The following MAP3K15 variants were observed in gnomAD, a reference collection of about 807,000 sequenced individuals.
MAP3K15 encodes mitogen-activated protein kinase kinase kinase 15.
Under a neutral mutation model 99.5 loss-of-function variants are expected in MAP3K15, and 124 were observed. The ratio of observed to expected loss-of-function variants is 1.25; its 90% confidence interval spans 1.08 to 1.45. The LOEUF is 1.45. Ranked by LOEUF, MAP3K15 falls within the 40% of genes most tolerant of loss-of-function variation. MAP3K15 has a pLI of 0.00. For missense variants in MAP3K15, 1,242 were observed against 1,079.7 expected, an observed-to-expected ratio of 1.15 and a Z score of -2.11; for synonymous variants, 494 against 439.6, an observed-to-expected ratio of 1.12 and a Z score of -1.55.
At chrX:19,362,657 A>G in intron 26 of MAP3K15, 81 bp downstream of exon 26, 2 of 598,554 alleles carry the variant, frequency 3.3e-6, no homozygotes, top group Non-Finnish European at 5.5e-6. Flanking sequence ...GGATTAACAG[A>G]AGATAACCTC....
intron 18 of MAP3K15, among the ~76,000 whole-genome samples, chrX:19,383,691 T>C (rs921386460): frequency 8.9e-6 from 1 of 112,365 alleles, no homozygotes; most frequent in Non-Finnish European, 1.9e-5. Context: ...TAGACATTTC[T>C]CAAAAGAAGA....
At chrX:19,365,754 C>T in intron 25 of MAP3K15, among the ~76,000 whole-genome samples, 1 of 111,427 alleles carries the variant, frequency 9.0e-6, no homozygotes, top group African/African-American at 3.3e-5. Context: ...CACCTGTCAT[C>T]CCAGAACTTT....
intron 3 of MAP3K15, among the ~76,000 whole-genome samples, chrX:19,480,739 T>C (rs191806639): frequency 1.4e-3 from 145 of 104,366 alleles, no homozygotes; most frequent in African/African-American, 4.4e-3. Context: ...GGCAGGAGAA[T>C]TGCTTGAACC....
chrX:19,361,361 C>T lies in MAP3K15; in HGVS notation c.3835G>A (p.Asp1279Asn). 1 of 1,207,554 alleles carries T rather than the reference C, an allele frequency of 8.3e-7. No homozygotes were observed. The highest frequency in any genetic ancestry group is 1.1e-6 in the Non-Finnish European group (1 of 892,114). ...SDILNEITKE[D>N]LRYLRLRGGL... is the part of the protein sequence containing the mutation. ...TACCGTAGTCGAAGGTATCTTAGATCTTCCTTAGTGATCTCATTAAGAATA... is the reference window on the plus strand; with the variant it reads ...TACCGTAGTCGAAGGTATCTTAGATTTTCCTTAGTGATCTCATTAAGAATA... The change falls in exon 28 of 29, where the codon GAT becomes AAT. Residue 1279 changes from aspartate (D) to asparagine (N), a missense_variant. Physicochemically the swap from Asp to Asn is conservative, Grantham distance 23 (BLOSUM62 1). Transcript: ENST00000338883.
chrX:19,487,360 G>C (rs1166141131), intron 2 of MAP3K15, among the ~76,000 whole-genome samples: 1 of 110,662 alleles, frequency 9.0e-6, no homozygotes, highest in African/African-American at 3.3e-5. Flanking sequence ...CACAGTTGAA[G>C]AAACTGTCCT....
intron 9 of MAP3K15, among the ~76,000 whole-genome samples, chrX:19,419,565 C>T (rs2063765363): frequency 9.0e-6 from 1 of 111,007 alleles, no homozygotes; most frequent in South Asian, 3.8e-4. Flanking sequence ...TACAAAGAGA[C>T]TTAGACTCCC....
chrX:19,502,300 G>A (rs1233296882), intron 1 of MAP3K15, among the ~76,000 whole-genome samples: 2 of 110,860 alleles, frequency 1.8e-5, no homozygotes, highest in South Asian at 3.9e-4. Flanking sequence ...TGTGGAGGGA[G>A]GGACTTGGTG....
intron 5 of MAP3K15, among the ~76,000 whole-genome samples, 191 bp downstream of exon 5, chrX:19,459,794 G>A (rs1569232108): frequency 1.8e-5 from 2 of 112,017 alleles, no homozygotes; most frequent in Non-Finnish European, 3.8e-5. Context: ...AGGTTGCAGT[G>A]AGCCGAGATC....
At chrX:19,470,044 T>C (rs1421165724) in intron 3 of MAP3K15, among the ~76,000 whole-genome samples, 3 of 111,604 alleles carry the variant, frequency 2.7e-5, no homozygotes, top group Non-Finnish European at 5.6e-5. Flanking sequence ...AGCCATCCCA[T>C]TACTGGGTAT....
At chrX:19,513,239 C>T (rs1259839007) in intron 1 of MAP3K15, among the ~76,000 whole-genome samples, 1 of 111,098 alleles carries the variant, frequency 9.0e-6, no homozygotes, top group Non-Finnish European at 1.9e-5. Flanking sequence ...TAGAAGGGCC[C>T]CCCGTACACA....
chrX:19,365,905 G>A (rs2063331215), intron 25 of MAP3K15, among the ~76,000 whole-genome samples: 1 of 107,183 alleles, frequency 9.3e-6, no homozygotes, highest in Admixed American at 1.0e-4. Flanking sequence ...TACTCGGGAG[G>A]CTGAGGCAGG....
chrX:19,422,014 T>C (rs1358472560), intron 9 of MAP3K15, among the ~76,000 whole-genome samples: 2 of 111,050 alleles, frequency 1.8e-5, no homozygotes, highest in Non-Finnish European at 3.8e-5. Context: ...CCTTACACCT[T>C]ATGCAAAAAT....
chrX:19,375,565 C>T (rs1341834664), intron 19 of MAP3K15, among the ~76,000 whole-genome samples: 1 of 112,152 alleles, frequency 8.9e-6, no homozygotes, highest in East Asian at 2.8e-4. Context: ...GCCCTCTCAT[C>T]TTTTTAGGAG....
rs1415970629 is a variant in MAP3K15 at position 19,369,187 on chromosome X, T to C, written c.3433A>G (p.Thr1145Ala). Reference sequence around the variant, plus strand: ...TCCATGTCCTTATCTACCCCTTCAGTCTCACAGGTAGGCTCAAAGTGGGCT... The same window carrying C: ...TCCATGTCCTTATCTACCCCTTCAGCCTCACAGGTAGGCTCAAAGTGGGCT... Reference protein sequence around the residue: ...LRAHFEPTCETEGVDKDMDEA... With the variant: ...LRAHFEPTCEAEGVDKDMDEA... The change falls in exon 25 of 29, where the codon ACT (threonine) becomes GCT (alanine). Residue 1145 changes from threonine (T) to alanine (A), a missense_variant. Physicochemically the swap from Thr to Ala is moderately conservative, Grantham distance 58 (BLOSUM62 0). Coordinates refer to ENST00000338883, the MANE Select transcript of MAP3K15 (RefSeq NM_001001671.4). 1 of 1,211,337 alleles carries C rather than the reference T, an allele frequency of 8.3e-7. No homozygotes were observed. Among genetic ancestry groups the C allele is most frequent in the East Asian group, 3.0e-5 (1 of 33,801 alleles).
intron 1 of MAP3K15, 32 bp from the exon 2 acceptor site, chrX:19,488,999 G>A: frequency 8.5e-7 from 1 of 1,180,989 alleles, no homozygotes; most frequent in Non-Finnish European, 1.1e-6. Flanking sequence ...CAGGATTAGG[G>A]GAGATGATCT....
rs760349939 is a variant in MAP3K15, at chrX:19,466,145, G to C, written c.526-1739C>G. ...TGTAATACTTTCAAGTTCTTAAAGA[G>C]ACTCAAATCATTCAGCATTAAGGTT... On this transcript the variant is annotated intron_variant, in intron 3 of 28. Transcript: ENST00000338883. Among the ~76,000 whole-genome samples, 17 of 110,798 alleles carry C rather than the reference G, an allele frequency of 1.5e-4. No homozygotes were observed. The East Asian group carries it at 4.3e-3, about 28-fold the overall frequency.
At chrX:19,510,347 C>T (rs1337662688) in intron 1 of MAP3K15, among the ~76,000 whole-genome samples, 1 of 112,148 alleles carries the variant, frequency 8.9e-6, no homozygotes, top group Admixed American at 9.5e-5. Context: ...GCTTATCCAC[C>T]ATGATCAAGT....
chrX:19,365,269 G>A lies in MAP3K15; in HGVS notation c.3567-2419C>T, dbSNP rs1268573669. Among the ~76,000 whole-genome samples the A allele has an allele frequency of 6.3e-5, 7 of 110,443 alleles. No individual in the cohort carries two copies. In the South Asian group the frequency reaches 1.2e-3, roughly 18 times the overall value. On this transcript the variant is annotated intron_variant, in intron 25 of 28. Transcript: ENST00000338883. ...TTTGACTGTAGTTCATAAGACCCCCGATTCCAGAGGGTCCTGCCCCACACC... is the reference window on the plus strand; with the variant it reads ...TTTGACTGTAGTTCATAAGACCCCCAATTCCAGAGGGTCCTGCCCCACACC...
chrX:19,436,765 A>C (rs1362030685), intron 6 of MAP3K15, among the ~76,000 whole-genome samples: 1 of 110,818 alleles, frequency 9.0e-6, no homozygotes, highest in Non-Finnish European at 1.9e-5. Flanking sequence ...GCAACCTCTA[A>C]CTCACAGGCT....
Sources: allele counts gnomAD v4.1 joint callset (sites outside exome capture counted in the v4.1 genomes callset), GRCh38; gene constraint gnomAD v4.1.1; transcripts MANE v1.5; gene names NCBI Gene and HGNC (gene_info 2026-07-23, HGNC 2026-07-21).